The following TMEM26 variants were observed in gnomAD, a reference collection of about 807,000 sequenced individuals.
TMEM26 encodes the protein transmembrane protein 26.
In TMEM26, 38 loss-of-function variants were observed where a neutral mutation model predicts 28.8. The ratio of observed to expected loss-of-function variants is 1.32; its 90% CI spans 1.02 to 1.73. The LOEUF is 1.73. Ranked by LOEUF, TMEM26 falls within the 40% of genes most tolerant of loss-of-function variation. The pLI, the probability that TMEM26 is intolerant of heterozygous loss-of-function variation, is 0.00. For missense variants in TMEM26, 518 were observed against 447.1 expected, an observed-to-expected ratio of 1.16 and a Z score of -1.43; for synonymous variants, 227 against 182.9, an observed-to-expected ratio of 1.24 and a Z score of -1.95.
intron 1 of TMEM26, among the ~76,000 whole-genome samples, chr10:61,440,220 A>C (rs931086412): frequency 1.3e-5 from 2 of 152,108 alleles, no homozygotes; most frequent in African/African-American, 4.8e-5. Context: ...AACCTGGGCA[A>C]TTTAGTGAGA....
chr10:61,441,232 G>A (rs1840087727), intron 1 of TMEM26, among the ~76,000 whole-genome samples: 1 of 152,116 alleles, frequency 6.6e-6, no homozygotes, highest in Non-Finnish European at 1.5e-5. Flanking sequence ...GATTCGATAA[G>A]GCTCTGGTTG....
chr10:61,443,136 T>C (rs976328153), intron 1 of TMEM26, among the ~76,000 whole-genome samples: 22 of 151,940 alleles, frequency 1.4e-4, no homozygotes, highest in Non-Finnish European at 1.6e-4. Context: ...GAAAATTGAA[T>C]ATAAATGAGA....
chr10:61,414,597 A>G (rs563254226), intron 4 of TMEM26: 12 of 152,170 alleles, frequency 7.9e-5, no homozygotes, highest in African/African-American at 2.6e-4. Context: ...GTTGGTGATA[A>G]AAAAATAAAG....
At chr10:61,431,383 G>A (rs747039036) in intron 2 of TMEM26, 51 bp from the exon 3 acceptor site, 1 of 1,298,280 alleles carries the variant, frequency 7.7e-7, no homozygotes, top group South Asian at 1.2e-5. Context: ...AGCACAATAT[G>A]GTAGAGATCA....
chr10:61,451,194 G>A (rs776619297), intron 1 of TMEM26, among the ~76,000 whole-genome samples: 2 of 152,014 alleles, frequency 1.3e-5, no homozygotes, highest in Admixed American at 1.3e-4. Flanking sequence ...TTCCTCTCTC[G>A]GTTGTAAGTC....
intron 1 of TMEM26, among the ~76,000 whole-genome samples, chr10:61,451,345 C>T (rs1036288037): frequency 6.6e-6 from 1 of 152,168 alleles, no homozygotes; most frequent in Admixed American, 6.5e-5. Context: ...GGGAGAGCAG[C>T]CCCTCTTCTG....
chr10:61,415,142 A>C (rs1189388831), intron 4 of TMEM26: 2 of 985,192 alleles, frequency 2.0e-6, no homozygotes, highest in Non-Finnish European at 2.4e-6. Context: ...ATTCCAAAAG[A>C]AGTAACTGGA....
At chr10:61,445,578 C>T (rs924866711) in intron 1 of TMEM26, among the ~76,000 whole-genome samples, 2 of 151,886 alleles carry the variant, frequency 1.3e-5, no homozygotes, top group Non-Finnish European at 2.9e-5. Context: ...ACAAAATTGG[C>T]GTTCACCCTG....
intron 1 of TMEM26, among the ~76,000 whole-genome samples, chr10:61,439,891 G>C (rs1840064484): frequency 6.6e-6 from 1 of 152,140 alleles, no homozygotes; most frequent in Admixed American, 6.5e-5. Context: ...TTAGGAGACT[G>C]TTTCTTTATA....
chr10:61,438,937 G>C (rs1399660099), intron 1 of TMEM26, among the ~76,000 whole-genome samples: 3 of 152,026 alleles, frequency 2.0e-5, no homozygotes, highest in African/African-American at 7.2e-5. Flanking sequence ...TGAAGAAAGG[G>C]GTAAGGAAAA....
chr10:61,432,995 T>G (rs1178105927), intron 2 of TMEM26, among the ~76,000 whole-genome samples: 1 of 152,200 alleles, frequency 6.6e-6, no homozygotes, highest in Non-Finnish European at 1.5e-5. Flanking sequence ...TGTTTTTATT[T>G]AAGATTTATT....
At chr10:61,412,257 T>C (rs762832495) in intron 5 of TMEM26, among the ~76,000 whole-genome samples, 1 of 152,124 alleles carries the variant, frequency 6.6e-6, no homozygotes, top group Non-Finnish European at 1.5e-5. Flanking sequence ...TCTGTGTGTG[T>C]GTGTGTGTGT....
chr10:61,452,830 G>A (rs530563177), intron 1 of TMEM26, 61 bp downstream of exon 1: 3 of 1,542,070 alleles, frequency 1.9e-6, no homozygotes, highest in Admixed American at 1.8e-5. Context: ...TGGCCTGCGA[G>A]TGCGGTGGGG....
intron 4 of TMEM26, chr10:61,415,934 G>GA (rs1839644615): frequency 3.0e-6 from 1 of 335,164 alleles, no homozygotes; most frequent in Admixed American, 4.1e-5. Flanking sequence ...CTATAATGTG[G>GA]AAAAGGAATG....
intron 4 of TMEM26, among the ~76,000 whole-genome samples, chr10:61,428,334 A>C (rs1372424793): frequency 1.3e-5 from 2 of 152,108 alleles, no homozygotes; most frequent in Non-Finnish European, 2.9e-5. Context: ...CCAACTCAAT[A>C]AGTTTTAATT....
In TMEM26 at chr10:61,431,223, T is replaced by C; in HGVS notation, c.380A>G (p.Glu127Gly). 1 of 1,611,362 alleles carries C rather than the reference T, an allele frequency of 6.2e-7. No homozygotes were observed. Among genetic ancestry groups the C allele is most frequent in the Non-Finnish European group, 8.5e-7 (1 of 1,177,806 alleles). Residue 127 changes from glutamate (E) to glycine (G), a missense_variant, in exon 3 of 6, where the codon GAG (glutamate) becomes GGG (glycine). Glu to Gly is a moderately conservative substitution (Grantham distance 98, BLOSUM62 -2). Coordinates refer to ENST00000399298, the MANE Select transcript of TMEM26 (RefSeq NM_178505.8). ...AAACAGTGGAAAAGCTCTCACCGTC[T>C]CAATGAGATCATCAGCTCTACTGGT... ...EQTSRADDLI[E>G]TAKVFVNNLS...
At chr10:61,412,031 T>A (rs759404004) in intron 5 of TMEM26, among the ~76,000 whole-genome samples, 1 of 152,090 alleles carries the variant, frequency 6.6e-6, no homozygotes, top group Non-Finnish European at 1.5e-5. Context: ...CCACAAGATA[T>A]GGGAGGGTGA....
intron 1 of TMEM26, among the ~76,000 whole-genome samples, chr10:61,446,854 T>TAAAAAAAAAAAAAAAAAAAAAAAAA (rs1840191839): frequency 2.6e-5 from 2 of 78,348 alleles, no homozygotes; most frequent in South Asian, 4.3e-4. Context: ...AAAAAAAAAT[T>TAAAAAAAAAAAAAAAAAAAAAAAAA]AAAAATGCTT....
chr10:61,430,239 C>G (rs1400187606), intron 3 of TMEM26, among the ~76,000 whole-genome samples: 1 of 151,836 alleles, frequency 6.6e-6, no homozygotes, highest in Non-Finnish European at 1.5e-5. Flanking sequence ...GAATTAGAAC[C>G]CAAGGTTCAT....
Sources: gnomAD v4.1 joint callset for allele counts (sites outside exome capture counted in the v4.1 genomes callset) on GRCh38, gnomAD v4.1.1 for gene constraint, MANE v1.5 for transcripts, NCBI Gene and HGNC (gene_info 2026-07-23, HGNC 2026-07-21) for gene names.